MDH2: variants seen among roughly 807,000 people sequenced by gnomAD.
MDH2 encodes malate dehydrogenase 2, also known as malate dehydrogenase, mitochondrial.
A neutral mutation model predicts 33.6 loss-of-function variants in MDH2; 25 were observed. The ratio of observed to expected loss-of-function variants is 0.74; its 90% CI spans 0.54 to 1.04. The LOEUF is 1.04. Among genes scored for constraint, MDH2 ranks in the 50% least tolerant of loss-of-function variants. MDH2 has a pLI of 0.00. For missense variants in MDH2, 432 were observed against 445.0 expected (o/e 0.97, Z 0.26); for synonymous variants, 193 against 188.7 (o/e 1.02, Z -0.19).
At chr7:76,051,898 T>C (rs560033016) in intron 1 of MDH2, among the ~76,000 whole-genome samples, 96 of 152,300 alleles carry the variant, frequency 6.3e-4, no homozygotes, top group African/African-American at 2.2e-3. Context: ...AAGGAGATCA[T>C]GATCTAACCT....
chr7:76,052,962 C>T (rs1483371692), intron 1 of MDH2, among the ~76,000 whole-genome samples: 4 of 152,222 alleles, frequency 2.6e-5, no homozygotes, highest in African/African-American at 7.2e-5. Context: ...CCACCTCAGC[C>T]TTCTGAGTAG....
chr7:76,059,184 T>C (rs1289452200), intron 4 of MDH2, among the ~76,000 whole-genome samples: 4 of 152,142 alleles, frequency 2.6e-5, no homozygotes, highest in Non-Finnish European at 4.4e-5. Context: ...CCTCAGGTGA[T>C]CCTCCCGCCT....
rs370605201 is a variant in MDH2 at position 76,060,030 on chromosome 7, G to A, written c.430-343G>A. ...ACCTGCTTCCTTGGAGCACACAGCC[G>A]CTGTGCACTGCTGTCCCATCAGGAG... On this transcript the variant is annotated intron_variant, in intron 4 of 8. Coordinates refer to ENST00000315758, the MANE Select transcript of MDH2 (RefSeq NM_005918.4). Among the ~76,000 whole-genome samples, 9 of 152,270 alleles carry A rather than the reference G, an allele frequency of 5.9e-5. No homozygotes were observed. The East Asian group carries it at 7.7e-4, about 13-fold the overall frequency.
chr7:76,061,474 G>C (rs1368534077), intron 5 of MDH2, among the ~76,000 whole-genome samples: 1 of 152,126 alleles, frequency 6.6e-6, no homozygotes, highest in Admixed American at 6.5e-5. Context: ...AGAGACACTT[G>C]AATCGAAGAG....
intron 1 of MDH2, among the ~76,000 whole-genome samples, chr7:76,053,477 C>T (rs1352335713): frequency 1.3e-5 from 2 of 152,172 alleles, no homozygotes; most frequent in African/African-American, 2.4e-5. Context: ...AAAGCACCAA[C>T]TTGAAACTCA....
intron 4 of MDH2, among the ~76,000 whole-genome samples, chr7:76,059,283 G>A (rs1347039908): frequency 6.6e-6 from 1 of 152,156 alleles, no homozygotes; most frequent in Non-Finnish European, 1.5e-5. Flanking sequence ...GAAATCTTCC[G>A]TGTAATAATT....
intron 2 of MDH2, among the ~76,000 whole-genome samples, chr7:76,056,251 G>A (rs1216655518): frequency 3.3e-5 from 5 of 152,176 alleles, no homozygotes; most frequent in Admixed American, 1.3e-4. Context: ...GTTGCAGTAC[G>A]TATCTTTATC....
At chr7:76,065,514 T>C (rs1554587724) in intron 8 of MDH2, among the ~76,000 whole-genome samples, 1 of 152,226 alleles carries the variant, frequency 6.6e-6, no homozygotes, top group Non-Finnish European at 1.5e-5. Context: ...CCCAGGACCT[T>C]TCTCAGAGAT....
At chr7:76,065,002 C>T (rs1554587673) in intron 8 of MDH2, 49 bp downstream of exon 8, 2 of 1,598,694 alleles carry the variant, frequency 1.3e-6, no homozygotes. Flanking sequence ...AGGGGGCGTT[C>T]CCTTTGCTTA....
intron 2 of MDH2, among the ~76,000 whole-genome samples, chr7:76,056,470 T>C (rs1797789094): frequency 6.6e-6 from 1 of 152,210 alleles, no homozygotes; most frequent in Non-Finnish European, 1.5e-5. Context: ...TGGCAAATTT[T>C]ATGTTCGTGC....
At chr7:76,051,718 T>G (rs894065488) in intron 1 of MDH2, among the ~76,000 whole-genome samples, 4 of 152,300 alleles carry the variant, frequency 2.6e-5, no homozygotes, top group African/African-American at 9.6e-5. Context: ...CAATATAAAC[T>G]CAAGTAGAAA....
intron 1 of MDH2, 138 bp downstream of exon 1, chr7:76,048,364 C>A: frequency 7.7e-7 from 1 of 1,302,626 alleles, no homozygotes; most frequent in Non-Finnish European, 1.0e-6. Context: ...GAGACTGTGG[C>A]GCCCGGGGCA....
intron 7 of MDH2, 51 bp from the exon 8 acceptor site, chr7:76,064,750 TG>T: frequency 6.4e-7 from 1 of 1,553,750 alleles, no homozygotes; most frequent in Non-Finnish European, 8.7e-7. Flanking sequence ...CCGGCTCACC[TG>T]GGCGTCACGT....
rs1554587944 is a variant in MDH2 at position 76,066,530 on chromosome 7, C to T, written c.*120C>T. On this transcript the variant is annotated 3_prime_UTR_variant, in exon 9 of 9. Coordinates refer to ENST00000315758, the MANE Select transcript of MDH2 (RefSeq NM_005918.4). ...GTGATGATTACTGTATTGACATCAT[C>T]ATGCCTTCCAAATTGTGGGTGGCTC... 8.0e-7 allele frequency: 1 copy of T among 1,255,604 alleles called. No individual in the cohort carries two copies. Among genetic ancestry groups the T allele is most frequent in the Non-Finnish European group, 1.0e-6 (1 of 956,696 alleles). The allele number at this position is 1,255,604 out of a possible 1,614,324, so 77.8% of individuals were successfully genotyped here.
At chr7:76,053,383 G>T (rs1554585724) in intron 1 of MDH2, among the ~76,000 whole-genome samples, 1 of 152,216 alleles carries the variant, frequency 6.6e-6, no homozygotes, top group Non-Finnish European at 1.5e-5. Flanking sequence ...AGATCCAGAA[G>T]TGGGTGAGGC....
At chr7:76,053,931 C>G (rs1165463995) in intron 1 of MDH2, among the ~76,000 whole-genome samples, 1 of 152,176 alleles carries the variant, frequency 6.6e-6, no homozygotes, top group Non-Finnish European at 1.5e-5. Flanking sequence ...CCATCACTTT[C>G]CTAACTGTTC....
chr7:76,051,786 T>G (rs1797634018), intron 1 of MDH2, among the ~76,000 whole-genome samples: 1 of 152,192 alleles, frequency 6.6e-6, no homozygotes, highest in Non-Finnish European at 1.5e-5. Context: ...GAAGGCAGTG[T>G]TAACATATGT....
chr7:76,052,341 G>GC (rs1426700099), intron 1 of MDH2, among the ~76,000 whole-genome samples: 6 of 151,170 alleles, frequency 4.0e-5, no homozygotes, highest in Non-Finnish European at 8.8e-5. Flanking sequence ...AAGGTGGGGA[G>GC]GATGGCTTGA....
At chr7:76,060,569 C>A (rs1554586876) in intron 5 of MDH2, 71 bp downstream of exon 5, 1 of 1,581,784 alleles carries the variant, frequency 6.3e-7, no homozygotes, top group Non-Finnish European at 8.6e-7. Context: ...CATTTACGGG[C>A]GTGGAAGACA....
Sources: gnomAD v4.1 joint callset for allele counts (sites outside exome capture counted in the v4.1 genomes callset) on GRCh38, gnomAD v4.1.1 for gene constraint, MANE v1.5 for transcripts, NCBI Gene and HGNC (gene_info 2026-07-23, HGNC 2026-07-21) for gene names.